UNC5D: variants seen among roughly 807,000 people sequenced by gnomAD.
UNC5D encodes the protein unc-5 netrin receptor D, also known as netrin receptor UNC5D.
UNC5D carries 39 observed loss-of-function variants against 105.4 expected under a neutral mutation model. That is an observed-to-expected ratio of 0.37 (90% CI 0.29 to 0.48). UNC5D has a LOEUF of 0.48. UNC5D is among the 20% of genes least tolerant of loss of function. The probability of loss-of-function intolerance (pLI) is 0.98; values close to 1 mark genes in which losing one functional copy is unlikely to be tolerated. For missense variants in UNC5D, 991 were observed against 1,202.4 expected (o/e 0.82, Z 2.60); for synonymous variants, 452 against 450.4 (o/e 1.00, Z -0.04).
intron 1 of UNC5D, among the ~76,000 whole-genome samples, chr8:35,240,516 A>G (rs1407877529): frequency 1.3e-5 from 2 of 152,164 alleles, no homozygotes; most frequent in African/African-American, 4.8e-5. Flanking sequence ...ACATTAACTG[A>G]TGTAATCCTG....
intron 1 of UNC5D, among the ~76,000 whole-genome samples, chr8:35,363,147 C>T (rs750198900): frequency 2.0e-5 from 3 of 152,002 alleles, no homozygotes; most frequent in Non-Finnish European, 2.9e-5. Context: ...TCCATTTCCA[C>T]GCTGCTGATA....
chr8:35,325,813 G>A (rs961729828), intron 1 of UNC5D, among the ~76,000 whole-genome samples: 9 of 152,202 alleles, frequency 5.9e-5, no homozygotes, highest in South Asian at 2.1e-4. Flanking sequence ...CTTAATGTCC[G>A]TTGTGCTAGG....
intron 1 of UNC5D, among the ~76,000 whole-genome samples, chr8:35,537,709 AAAT>A (rs1263906832): frequency 4.7e-5 from 7 of 150,218 alleles, no homozygotes; most frequent in African/African-American, 1.5e-4. Flanking sequence ...AATAAAAATA[AAAT>A]AATAAATAAG....
chr8:35,463,961 T>C (rs1809107015), intron 1 of UNC5D, among the ~76,000 whole-genome samples: 1 of 152,200 alleles, frequency 6.6e-6, no homozygotes, highest in Non-Finnish European at 1.5e-5. Context: ...AAGTTGGTTT[T>C]CTATTATGCT....
intron 1 of UNC5D, among the ~76,000 whole-genome samples, chr8:35,498,814 T>A (rs1009448235): frequency 6.6e-6 from 1 of 152,188 alleles, no homozygotes; most frequent in Non-Finnish European, 1.5e-5. Flanking sequence ...ACACCATAGT[T>A]GGCAACATTT....
intron 1 of UNC5D, among the ~76,000 whole-genome samples, chr8:35,272,381 A>G (rs1199835556): frequency 6.6e-6 from 1 of 152,148 alleles, no homozygotes; most frequent in Non-Finnish European, 1.5e-5. Flanking sequence ...CCTGGGCATC[A>G]GCTCTGAGGG....
chr8:35,259,747 C>CTT (rs75188468), intron 1 of UNC5D, among the ~76,000 whole-genome samples: 6 of 137,974 alleles, frequency 4.3e-5, no homozygotes, highest in South Asian at 2.3e-4. Flanking sequence ...GCTGACTGAT[C>CTT]TTTTTTTTTT....
intron 11 of UNC5D, among the ~76,000 whole-genome samples, chr8:35,733,475 T>A (rs1455790285): frequency 6.6e-6 from 1 of 152,176 alleles, no homozygotes; most frequent in Non-Finnish European, 1.5e-5. Flanking sequence ...CCCGTTTTCC[T>A]CGAAGTTCAT....
chr8:35,285,260 T>C (rs1248473118), intron 1 of UNC5D, among the ~76,000 whole-genome samples: 1 of 152,204 alleles, frequency 6.6e-6, no homozygotes, highest in African/African-American at 2.4e-5. Context: ...TTTTCCAACC[T>C]ATTCTCTGCA....
At chr8:35,525,270 A>G (rs1356303363) in intron 1 of UNC5D, 14 of 1,611,946 alleles carry the variant, frequency 8.7e-6, no homozygotes, top group South Asian at 6.6e-5. Context: ...TTTTTCAACT[A>G]TTTTGCGTAC....
intron 11 of UNC5D, among the ~76,000 whole-genome samples, chr8:35,734,279 C>G (rs1829341405): frequency 6.7e-6 from 1 of 149,800 alleles, no homozygotes; most frequent in South Asian, 2.1e-4. Flanking sequence ...GTGGCCTCCT[C>G]CCCTCCACAG....
At chr8:35,546,806 A>T (rs1815716724) in intron 1 of UNC5D, among the ~76,000 whole-genome samples, 1 of 138,926 alleles carries the variant, frequency 7.2e-6, no homozygotes, top group Non-Finnish European at 1.5e-5. Flanking sequence ...AAATATTTTT[A>T]AAAAACCACA....
At chr8:35,269,547 G>A (rs1805129629) in intron 1 of UNC5D, among the ~76,000 whole-genome samples, 1 of 152,018 alleles carries the variant, frequency 6.6e-6, no homozygotes, top group African/African-American at 2.4e-5. Context: ...GTTTTTTTAA[G>A]TTTTCTCGTT....
intron 4 of UNC5D, among the ~76,000 whole-genome samples, chr8:35,615,050 G>A (rs1427483690): frequency 7.5e-4 from 13 of 17,348 alleles, no homozygotes; most frequent in East Asian, 2.2e-3. Flanking sequence ...CCCCCCCCCC[G>A]TCCCCCACCC....
chr8:35,366,940 C>T (rs188373204), intron 1 of UNC5D, among the ~76,000 whole-genome samples: 138 of 152,290 alleles, frequency 9.1e-4, no homozygotes, highest in African/African-American at 3.2e-3. Flanking sequence ...GTAATCTTTT[C>T]TACAACTCCA....
chr8:35,657,312 C>T (rs1042610798), intron 4 of UNC5D, among the ~76,000 whole-genome samples: 1 of 150,920 alleles, frequency 6.6e-6, no homozygotes, highest in Admixed American at 6.6e-5. Context: ...CTTTATGATC[C>T]CTGTGGCCAA....
rs1803108742 is a variant in UNC5D at position 35,792,957 on chromosome 8, AC to A, written c.*2396del. On this transcript the variant is annotated 3_prime_UTR_variant, in exon 17 of 17. Transcript: ENST00000404895. Reference sequence around the variant, plus strand: ...TGTCAATCCCTGAATGTCTGGAGTTACCTCCCATGGATTTTTTTTTCCTTTG... The same window carrying A: ...TGTCAATCCCTGAATGTCTGGAGTTACTCCCATGGATTTTTTTTTCCTTTG... 4.4e-6 allele frequency: 2 copies of A among 452,184 alleles called. No homozygotes were observed. Among genetic ancestry groups the A allele is most frequent in the Non-Finnish European group, 8.9e-6 (2 of 225,846 alleles). 28.0% of individuals were successfully genotyped at this position (452,184 alleles called of 1,614,324 possible). A position where few individuals can be genotyped will look rare whatever the true frequency, so the allele number is the denominator to read the frequency against.
chr8:35,372,840 G>A (rs1471842781), intron 1 of UNC5D, among the ~76,000 whole-genome samples: 2 of 151,454 alleles, frequency 1.3e-5, no homozygotes, highest in Non-Finnish European at 2.9e-5. Context: ...GGCCTCAAGT[G>A]ATCCTCCTGC....
intron 1 of UNC5D, among the ~76,000 whole-genome samples, chr8:35,458,659 T>C (rs888994815): frequency 2.6e-5 from 4 of 152,130 alleles, no homozygotes; most frequent in African/African-American, 7.2e-5. Context: ...TTGGTACACA[T>C]TCAGGGCCAG....
Sources: allele counts gnomAD v4.1 joint callset (sites outside exome capture counted in the v4.1 genomes callset), GRCh38; gene constraint gnomAD v4.1.1; transcripts MANE v1.5; gene names NCBI Gene and HGNC (gene_info 2026-07-23, HGNC 2026-07-21).